LCORL: variants seen among roughly 807,000 people sequenced by gnomAD.
LCORL encodes the protein ligand dependent nuclear receptor corepressor like, also known as ligand-dependent nuclear receptor corepressor-like protein.
A neutral mutation model predicts 141.8 loss-of-function variants in LCORL; 41 were observed. The observed-to-expected ratio is 0.29, with a 90% confidence interval of 0.23 to 0.38. The LOEUF (loss-of-function observed/expected upper bound fraction) is 0.38, where lower values mean the gene tolerates loss of function less well. Ranked by LOEUF, LCORL falls within the 10% of genes least tolerant of loss-of-function variation. The pLI is 1.00. For synonymous variants in LCORL, 618 were observed against 694.1 expected, an observed-to-expected ratio of 0.89 and a Z score of 1.72; for missense variants, 1,759 against 2,035.0, an observed-to-expected ratio of 0.86 and a Z score of 2.61.
chr4:17,986,166 T>C (rs573768697), intron 1 of LCORL, among the ~76,000 whole-genome samples: 5 of 152,302 alleles, frequency 3.3e-5, no homozygotes, highest in African/African-American at 1.2e-4. Context: ...GTAAATGACC[T>C]GCGCTTTCTC....
intron 5 of LCORL, among the ~76,000 whole-genome samples, chr4:17,905,638 G>A (rs908784044): frequency 3.3e-5 from 5 of 151,766 alleles, no homozygotes; most frequent in African/African-American, 1.2e-4. Flanking sequence ...AAAACTATTT[G>A]GCATGGAGAA....
chr4:18,003,661 G>T (rs1457039613), intron 1 of LCORL, among the ~76,000 whole-genome samples: 1 of 152,162 alleles, frequency 6.6e-6, no homozygotes, highest in Non-Finnish European at 1.5e-5. Flanking sequence ...GTAACTGGTA[G>T]GGAGATAGAG....
chr4:17,947,509 A>G (rs1739072444), intron 4 of LCORL, among the ~76,000 whole-genome samples: 1 of 151,944 alleles, frequency 6.6e-6, no homozygotes, highest in Admixed American at 6.6e-5. Context: ...AATAGAGTTA[A>G]AAATAGAGTA....
At position 17,855,341 on chromosome 4, in the gene LCORL, A is replaced by C. The variant is rs148894011; in HGVS notation, c.5603-9440T>G. On this transcript the variant is annotated intron_variant, in intron 7 of 7. Coordinates refer to ENST00000635767, the Ensembl canonical transcript of LCORL. Reference sequence around the variant, plus strand: ...AAGAATAAAAATAGGAAATTTTAGTAATGTGAAATTAAAAACAATTAACAA... The same window carrying C: ...AAGAATAAAAATAGGAAATTTTAGTCATGTGAAATTAAAAACAATTAACAA... Among the ~76,000 whole-genome samples the C allele has an allele frequency of 1.9e-3, 296 of 152,344 alleles. 1 individual carries two copies. The highest frequency in any genetic ancestry group is 7.0e-3 in the African/African-American group (290 of 41,586).
At chr4:17,988,035 T>G (rs1215956899) in intron 1 of LCORL, among the ~76,000 whole-genome samples, 9 of 152,178 alleles carry the variant, frequency 5.9e-5, no homozygotes, top group Non-Finnish European at 1.3e-4. Flanking sequence ...TGGTGGAAGA[T>G]GACTGATTTA....
chr4:17,977,081 C>A (rs1165825963), intron 1 of LCORL, among the ~76,000 whole-genome samples: 3 of 152,102 alleles, frequency 2.0e-5, no homozygotes, highest in Admixed American at 1.3e-4. Flanking sequence ...AGAACAGACT[C>A]TCTTTTGTGG....
chr4:17,951,930 T>C (rs149687935), intron 4 of LCORL, among the ~76,000 whole-genome samples: 43 of 152,286 alleles, frequency 2.8e-4, no homozygotes, highest in African/African-American at 9.9e-4. Flanking sequence ...ATTAGTAGCA[T>C]TCTATACAAG....
chr4:17,940,607 A>G (rs1350752604), intron 4 of LCORL, among the ~76,000 whole-genome samples: 2 of 151,520 alleles, frequency 1.3e-5, no homozygotes, highest in Admixed American at 6.6e-5. Context: ...AATGTAAAAA[A>G]TAATTAAAGA....
chr4:17,949,345 G>A (rs71603393), intron 4 of LCORL, among the ~76,000 whole-genome samples: 19,253 of 151,994 alleles, frequency 0.13, 1,352 homozygotes, highest in South Asian at 0.26. Flanking sequence ...TTGGAAAAAC[G>A]AACACATTAT....
At chr4:18,005,449 C>T (rs1722642215) in intron 1 of LCORL, among the ~76,000 whole-genome samples, 1 of 152,140 alleles carries the variant, frequency 6.6e-6, no homozygotes, top group Non-Finnish European at 1.5e-5. Flanking sequence ...AGGACGATGG[C>T]CCTCTTCTCA....
intron 5 of LCORL, among the ~76,000 whole-genome samples, chr4:17,889,097 T>C (rs1361159998): frequency 6.6e-6 from 1 of 152,088 alleles, no homozygotes; most frequent in East Asian, 1.9e-4. Context: ...AAAACTAGGC[T>C]GCAGCTCTCT....
intron 5 of LCORL, among the ~76,000 whole-genome samples, chr4:17,899,012 G>C (rs968571404): frequency 1.3e-5 from 2 of 152,180 alleles, no homozygotes; most frequent in Non-Finnish European, 2.9e-5. Context: ...TTATCAGTGT[G>C]ACAGGTGTGA....
At chr4:17,951,431 CA>C (rs1739707035) in intron 4 of LCORL, among the ~76,000 whole-genome samples, 1 of 152,178 alleles carries the variant, frequency 6.6e-6, no homozygotes. Context: ...TCACCTACCA[CA>C]TGCCAAATCC....
At chr4:17,901,714 A>G (rs1364666638) in intron 5 of LCORL, among the ~76,000 whole-genome samples, 1 of 152,160 alleles carries the variant, frequency 6.6e-6, no homozygotes, top group Non-Finnish European at 1.5e-5. Context: ...GCAGTAGAGT[A>G]TATAACTTCA....
At chr4:17,983,434 A>G (rs1718371961) in intron 1 of LCORL, among the ~76,000 whole-genome samples, 1 of 152,084 alleles carries the variant, frequency 6.6e-6, no homozygotes, top group Admixed American at 6.6e-5. Flanking sequence ...GTCATCTCTG[A>G]CTTATCTGAG....
At chr4:17,861,390 C>T (rs1338184963) in intron 7 of LCORL, among the ~76,000 whole-genome samples, 1 of 152,198 alleles carries the variant, frequency 6.6e-6, no homozygotes, top group Non-Finnish European at 1.5e-5. Context: ...GTACCTCGGC[C>T]CCTTTTAGTC....
At chr4:17,909,407 A>T in intron 4 of LCORL, 62 bp from the exon 5 acceptor site, 1 of 1,231,254 alleles carries the variant, frequency 8.1e-7, no homozygotes, top group Non-Finnish European at 1.1e-6. Flanking sequence ...CCAACATTTA[A>T]ATTTATTTTT....
intron 4 of LCORL, among the ~76,000 whole-genome samples, chr4:17,909,920 G>C (rs1684553416): frequency 6.6e-6 from 1 of 152,000 alleles, no homozygotes; most frequent in Non-Finnish European, 1.5e-5. Context: ...CAATGACATA[G>C]CTTCCACTAA....
intron 1 of LCORL, among the ~76,000 whole-genome samples, chr4:18,004,471 A>C (rs905766054): frequency 2.0e-5 from 3 of 152,128 alleles, no homozygotes; most frequent in Non-Finnish European, 4.4e-5. Flanking sequence ...AAACCGTCCG[A>C]TCTCATGAAA....
Sources: allele counts gnomAD v4.1 joint callset (sites outside exome capture counted in the v4.1 genomes callset), GRCh38; gene constraint gnomAD v4.1.1; transcripts MANE v1.5; gene names NCBI Gene and HGNC (gene_info 2026-07-23, HGNC 2026-07-21).